The following TMEM179 variants were observed in gnomAD, a reference collection of about 807,000 sequenced individuals.
TMEM179 encodes the protein transmembrane protein 179A.
In TMEM179, 17 loss-of-function variants were observed where a neutral mutation model predicts 22.2. That is an observed-to-expected ratio of 0.77 (90% confidence interval 0.52 to 1.15). The LOEUF (loss-of-function observed/expected upper bound fraction) is 1.15. TMEM179 is among the 50% of genes most tolerant of loss of function. The pLI, the probability that TMEM179 is intolerant of heterozygous loss-of-function variation, is 0.00. For synonymous variants in TMEM179, 127 were observed against 140.5 expected (o/e 0.90, Z 0.68); for missense variants, 265 against 313.6 (o/e 0.84, Z 1.17).
chr14:104,601,947 C>G (rs1030359956), intron 1 of TMEM179, among the ~76,000 whole-genome samples: 2 of 152,196 alleles, frequency 1.3e-5, no homozygotes, highest in African/African-American at 4.8e-5. Context: ...CCCATATGGG[C>G]CGGTCAGCAG....
chr14:104,598,558 G>A (rs944585609), intron 1 of TMEM179, among the ~76,000 whole-genome samples: 4 of 152,260 alleles, frequency 2.6e-5, no homozygotes, highest in African/African-American at 9.6e-5. Flanking sequence ...CACTTTCTGA[G>A]CACCTGCTCG....
intron 3 of TMEM179, chr14:104,594,826 T>TA: frequency 3.1e-6 from 4 of 1,279,492 alleles, no homozygotes; most frequent in Non-Finnish European, 4.0e-6. Context: ...CCCTTGTCCC[T>TA]ACACTGGACC....
intron 2 of TMEM179, among the ~76,000 whole-genome samples, chr14:104,596,610 GTGTGGCCACACCGA>G (rs1887030092): frequency 2.0e-5 from 3 of 152,332 alleles, no homozygotes; most frequent in African/African-American, 7.2e-5. Context: ...GTCTCCGGCT[GTGTGGCCACACCGA>G]GCCTCCCAGG....
At chr14:104,600,798 A>G (rs942536544) in intron 1 of TMEM179, among the ~76,000 whole-genome samples, 2 of 152,210 alleles carry the variant, frequency 1.3e-5, no homozygotes, top group African/African-American at 2.4e-5. Flanking sequence ...CACCTGAGAC[A>G]TGGCCTCTGC....
intron 3 of TMEM179, chr14:104,594,813 A>G: frequency 8.1e-7 from 1 of 1,231,538 alleles, no homozygotes; most frequent in Non-Finnish European, 1.0e-6. Context: ...CCAAAGTCCA[A>G]AGCCCTTGTC....
chr14:104,596,892 G>C, intron 2 of TMEM179, 98 bp downstream of exon 2: 1 of 1,487,716 alleles, frequency 6.7e-7, no homozygotes, highest in Middle Eastern at 2.1e-4. Flanking sequence ...GCAGACTCAG[G>C]ATGGGCTTCG....
chr14:104,601,413 A>G (rs1418259361), intron 1 of TMEM179, among the ~76,000 whole-genome samples: 1 of 152,168 alleles, frequency 6.6e-6, no homozygotes, highest in Non-Finnish European at 1.5e-5. Flanking sequence ...AGAGATGAAT[A>G]AGGTGCATGT....
chr14:104,603,756 G>T (rs28547458), intron 1 of TMEM179, among the ~76,000 whole-genome samples: 21,865 of 152,228 alleles, frequency 0.14, 1,741 homozygotes, highest in Middle Eastern at 0.22. Flanking sequence ...GGCCCCCAGG[G>T]TGCCACTGGC....
In TMEM179 at chr14:104,604,320, T is replaced by C. The variant is rs1887344697; in HGVS notation, c.305+117A>G. On this transcript the variant is annotated intron_variant, in intron 1 of 3. Coordinates refer to ENST00000556573, the MANE Select transcript of TMEM179 (RefSeq NM_001286389.2). This position sits in a 1 kb window ranked among gnomAD's most constrained non-coding sequence, Gnocchi z 4.6. ...GGGGGTGAGGGCGGATTGTTGACAT[T>C]TGCGGGCCTCGGAGCTGCCTGAGAG... 3.4e-6 allele frequency: 4 copies of C among 1,168,190 alleles called. No individual in the cohort carries two copies. Among genetic ancestry groups the C allele is most frequent in the South Asian group, 1.7e-5 (1 of 59,930 alleles). The allele number at this position is 1,168,190 out of a possible 1,614,324, so 72.4% of individuals were successfully genotyped here.
At chr14:104,594,663 T>G in intron 3 of TMEM179, 1 of 1,210,584 alleles carries the variant, frequency 8.3e-7, no homozygotes, top group East Asian at 3.3e-5. Flanking sequence ...ACGCAGCTTA[T>G]ACAAGGGCAG....
At chr14:104,600,631 C>T (rs1354316753) in intron 1 of TMEM179, among the ~76,000 whole-genome samples, 1 of 152,224 alleles carries the variant, frequency 6.6e-6, no homozygotes, top group African/African-American at 2.4e-5. Flanking sequence ...TTCATTCATT[C>T]ATTCATTCAC....
At position 104,604,750 on chromosome 14, in the gene TMEM179, C is replaced by G. The variant is rs774093942; in HGVS notation, c.-9G>C. The G allele has an allele frequency of 5.9e-6, 9 of 1,520,918 alleles. No homozygotes were observed. The Admixed American group carries it at 6.6e-5, about 11-fold the overall frequency. 94.2% of individuals were successfully genotyped at this position (1,520,918 alleles called of 1,614,324 possible). On this transcript the variant is annotated 5_prime_UTR_variant, in exon 1 of 4. Coordinates refer to ENST00000556573, the MANE Select transcript of TMEM179 (RefSeq NM_001286389.2). The surrounding 1 kb of genome is among the most constrained non-coding windows in gnomAD (Gnocchi z 4.6). Reference sequence around the variant, plus strand: ...AAATTGTTGAGCGCCATGGCCGGCCCGGGCGAGAGCGGCGGCGGGAAGGCC... The same window carrying G: ...AAATTGTTGAGCGCCATGGCCGGCCGGGGCGAGAGCGGCGGCGGGAAGGCC...
chr14:104,599,908 TC>T (rs556155996), intron 1 of TMEM179, among the ~76,000 whole-genome samples: 1 of 152,066 alleles, frequency 6.6e-6, no homozygotes, highest in Non-Finnish European at 1.5e-5. Flanking sequence ...ACTGTCCCCT[TC>T]CCACCACTGA....
rs757901298 is a variant in TMEM179, at chr14:104,593,528, C to T, written c.653G>A (p.Arg218Gln). 186 of 1,535,378 alleles carry T rather than the reference C, an allele frequency of 1.2e-4. No individual in the cohort carries two copies. The highest frequency in any genetic ancestry group is 5.5e-5 in the African/African-American group (4 of 73,038). Residue 218 changes from arginine (R) to glutamine (Q), a missense_variant, in exon 4 of 4, where the codon CGG (arginine) becomes CAG (glutamine). By Grantham distance (43) the Arg-to-Gln change is conservative. Coordinates refer to ENST00000556573, the MANE Select transcript of TMEM179 (RefSeq NM_001286389.2). ...TTGGAAGGAGGTGCGTGGGGACGGC[C>T]GGGCCAGCAGCAGCTCCTTCTCGTG... ...LIHEKELLLA[R>Q]PSPRTSFQEE...
chr14:104,604,767 G>C lies in TMEM179; in HGVS notation c.-26C>G, dbSNP rs1489763205. 1.3e-6 allele frequency: 2 copies of C among 1,483,458 alleles called. No individual in the cohort carries two copies. The highest frequency in any genetic ancestry group is 1.8e-4 in the Middle Eastern group (1 of 5,692). 91.9% of individuals were successfully genotyped at this position (1,483,458 alleles called of 1,614,324 possible). A position where few individuals can be genotyped will look rare whatever the true frequency, so the allele number is the denominator to read the frequency against. On this transcript the variant is annotated 5_prime_UTR_variant, in exon 1 of 4. Transcript: ENST00000556573. The surrounding 1 kb of genome is among the most constrained non-coding windows in gnomAD (Gnocchi z 4.6). Reference sequence around the variant, plus strand: ...GGCCGGCCCGGGCGAGAGCGGCGGCGGGAAGGCCGCGGGAGGCTGCGCCGG... The same window carrying C: ...GGCCGGCCCGGGCGAGAGCGGCGGCCGGAAGGCCGCGGGAGGCTGCGCCGG...
chr14:104,591,413 C>T lies in TMEM179; in HGVS notation c.*2066G>A, dbSNP rs774994412. ...CTGGGGACACAGACAAGGAGCTCTC[C>T]GGACTGGAAAGAGTCCCCATGTCCA... On this transcript the variant is annotated 3_prime_UTR_variant, in exon 4 of 4. Transcript: ENST00000556573. 1.3e-5 allele frequency: 6 copies of T among 455,876 alleles called. No homozygotes were observed. The highest frequency in any genetic ancestry group is 6.2e-5 in the South Asian group (4 of 64,562). The allele number at this position is 455,876 out of a possible 1,614,324, so 28.2% of individuals were successfully genotyped here.
chr14:104,601,478 G>GA (rs1887237532), intron 1 of TMEM179, among the ~76,000 whole-genome samples: 1 of 152,172 alleles, frequency 6.6e-6, no homozygotes, highest in Admixed American at 6.5e-5. Flanking sequence ...CCTGGGGGGG[G>GA]ACCCATGGCC....
Position 104,595,514 on chromosome 14 carries a change from C to G in TMEM179, c.444-271G>C, listed in dbSNP as rs953464512. 2.5e-4 allele frequency among the ~76,000 whole-genome samples: 38 copies of G among 152,192 alleles called. No individual in the cohort carries two copies. The highest frequency in any genetic ancestry group is 5.2e-4 in the Admixed American group (8 of 15,290). On this transcript the variant is annotated intron_variant, in intron 2 of 3. Coordinates refer to ENST00000556573, the MANE Select transcript of TMEM179 (RefSeq NM_001286389.2). The surrounding 1 kb of genome is among the most constrained non-coding windows in gnomAD (Gnocchi z 5.7). ...CCAGCTCTGCCTCTGCCCTCCTGGA[C>G]CCTCTGCCCCCCATGCCCCACACTC...
At chr14:104,601,883 TCACCCTAACCCC>T (rs1446480150) in intron 1 of TMEM179, among the ~76,000 whole-genome samples, 3 of 151,834 alleles carry the variant, frequency 2.0e-5, no homozygotes, top group Non-Finnish European at 4.4e-5. Context: ...ACCCTAACCC[TCACCCTAACCCC>T]CACAGGCCTG....
Sources: allele counts gnomAD v4.1 joint callset (sites outside exome capture counted in the v4.1 genomes callset), GRCh38; gene constraint gnomAD v4.1.1; non-coding constraint Gnocchi (gnomAD v3.1); transcripts MANE v1.5; gene names NCBI Gene and HGNC (gene_info 2026-07-23, HGNC 2026-07-21).